The following PTPRN2 variants were observed in gnomAD, a reference collection of about 807,000 sequenced individuals.
PTPRN2 encodes receptor-type tyrosine-protein phosphatase N2.
Under a neutral mutation model 118.8 loss-of-function variants are expected in PTPRN2, and 74 were observed. That is an observed-to-expected ratio of 0.62 (90% confidence interval 0.52 to 0.76). PTPRN2 has a LOEUF of 0.76. Ranked by LOEUF, PTPRN2 falls within the 30% of genes least tolerant of loss-of-function variation. The probability of loss-of-function intolerance (pLI) is 0.00; values close to 1 mark genes in which losing one functional copy is unlikely to be tolerated. For missense variants in PTPRN2, 1,481 were observed against 1,394.4 expected, an observed-to-expected ratio of 1.06 and a Z score of -0.99; for synonymous variants, 641 against 608.0, an observed-to-expected ratio of 1.05 and a Z score of -0.80.
At chr7:157,547,349 T>C (rs1053899164) in intron 22 of PTPRN2, among the ~76,000 whole-genome samples, 4 of 152,156 alleles carry the variant, frequency 2.6e-5, no homozygotes, top group Non-Finnish European at 5.9e-5. Flanking sequence ...CCTCTTTTAC[T>C]GCTAGGCAGC....
At position 158,520,997 on chromosome 7, in the gene PTPRN2, G is replaced by A. The variant is rs549396917; in HGVS notation, c.113-31212C>T. The stretch of plus-strand genomic sequence containing the variant: ...CCAAGGAACAGGAGATTTCAGCCAC[G>A]TCCCTCTTATCTCTCCCACAGCAGG... On this transcript the variant is annotated intron_variant, in intron 1 of 22. Coordinates refer to ENST00000389418, the MANE Select transcript of PTPRN2 (RefSeq NM_002847.5). Among the ~76,000 whole-genome samples the A allele has an allele frequency of 1.4e-4, 22 of 152,276 alleles. No individual in the cohort carries two copies. The South Asian group carries it at 3.9e-3, about 27-fold the overall frequency.
intron 2 of PTPRN2, among the ~76,000 whole-genome samples, chr7:158,374,676 C>T (rs917755623): frequency 1.3e-5 from 2 of 152,158 alleles, no homozygotes; most frequent in African/African-American, 4.8e-5. Flanking sequence ...AGCAAGTGGA[C>T]AGATGGAGGC....
At chr7:157,811,258 G>A (rs371395996) in intron 12 of PTPRN2, among the ~76,000 whole-genome samples, 53 of 141,332 alleles carry the variant, frequency 3.8e-4, no homozygotes, top group South Asian at 8.9e-4. Flanking sequence ...ATGACAGAGC[G>A]AGACTCCATC....
intron 9 of PTPRN2, among the ~76,000 whole-genome samples, chr7:158,124,772 G>A (rs1817480683): frequency 6.6e-6 from 1 of 152,178 alleles, no homozygotes; most frequent in Non-Finnish European, 1.5e-5. Context: ...AGAGCTGCTG[G>A]TCAGCCTGGG....
chr7:158,400,710 G>C (rs1483060425), intron 2 of PTPRN2, among the ~76,000 whole-genome samples: 2 of 152,070 alleles, frequency 1.3e-5, no homozygotes, highest in Non-Finnish European at 2.9e-5. Context: ...AGGACACCGT[G>C]GTCCCAGCCA....
At chr7:157,750,876 G>A (rs1801421992) in intron 12 of PTPRN2, among the ~76,000 whole-genome samples, 1 of 152,248 alleles carries the variant, frequency 6.6e-6, no homozygotes, top group Non-Finnish European at 1.5e-5. Context: ...TTGGAGCAGG[G>A]TGCAGCTGCA....
Position 157,550,513 on chromosome 7 carries a change from A to T in PTPRN2, c.2903-1494T>A, listed in dbSNP as rs1001846742. On this transcript the variant is annotated intron_variant, in intron 21 of 22. Coordinates refer to ENST00000389418, the MANE Select transcript of PTPRN2 (RefSeq NM_002847.5). This position sits in a 1 kb window ranked among gnomAD's most constrained non-coding sequence, Gnocchi z 5.2. ...CAGGGAGGCCGGGCGCGAGATGACC[A>T]CCCCACCTGCCCTGCCTGGCTGGTG... 6.6e-6 allele frequency among the ~76,000 whole-genome samples: 1 copy of T among 151,958 alleles called. No individual in the cohort carries two copies.
rs1041271987 is a variant in PTPRN2 at position 157,560,027 on chromosome 7, G to A, written c.2902+8875C>T. 6.6e-5 allele frequency among the ~76,000 whole-genome samples: 10 copies of A among 152,346 alleles called. 1 individual carries two copies. In the Middle Eastern group the frequency reaches 0.014, roughly 207 times the overall value. The stretch of plus-strand genomic sequence containing the variant: ...GGTGCCAGCACCCGGGACCAAGGAG[G>A]GAGCTTGCAGAAGGGACAGCCCTCG... On this transcript the variant is annotated intron_variant, in intron 21 of 22. Transcript: ENST00000389418. This position sits in a 1 kb window ranked among gnomAD's most constrained non-coding sequence, Gnocchi z 6.7.
intron 21 of PTPRN2, among the ~76,000 whole-genome samples, chr7:157,561,208 C>T (rs1799175186): frequency 6.6e-6 from 1 of 152,048 alleles, no homozygotes; most frequent in Non-Finnish European, 1.5e-5. Flanking sequence ...GCCATGCCAT[C>T]CCTTCGGCCC....
chr7:158,288,423 T>G (rs1266716583), intron 3 of PTPRN2, among the ~76,000 whole-genome samples: 1 of 152,210 alleles, frequency 6.6e-6, no homozygotes, highest in Non-Finnish European at 1.5e-5. Flanking sequence ...TGATATGCTT[T>G]GATTCCTTAC....
chr7:157,885,311 T>C (rs945486924), intron 12 of PTPRN2, among the ~76,000 whole-genome samples: 4 of 152,114 alleles, frequency 2.6e-5, no homozygotes, highest in Non-Finnish European at 5.9e-5. Context: ...TGCAGCACGT[T>C]CCTCCACTCC....
intron 3 of PTPRN2, among the ~76,000 whole-genome samples, chr7:158,275,603 A>T (rs1375718469): frequency 6.6e-6 from 1 of 152,236 alleles, no homozygotes; most frequent in African/African-American, 2.4e-5. Context: ...GAATAGACAC[A>T]TTCTTTCACC....
At chr7:157,595,927 C>T (rs1801310425) in intron 16 of PTPRN2, among the ~76,000 whole-genome samples, 2 of 152,230 alleles carry the variant, frequency 1.3e-5, no homozygotes, top group Non-Finnish European at 2.9e-5. Flanking sequence ...CCAAGGAGGG[C>T]AGGCAGCCGT....
At chr7:157,975,206 G>A (rs1174964620) in intron 11 of PTPRN2, among the ~76,000 whole-genome samples, 2 of 152,122 alleles carry the variant, frequency 1.3e-5, no homozygotes, top group East Asian at 3.9e-4. Context: ...TCCAGTTCCT[G>A]CCAACACTGC....
In PTPRN2 at chr7:157,562,685, C is replaced by T. The variant is rs569657764; in HGVS notation, c.2902+6217G>A. On this transcript the variant is annotated intron_variant, in intron 21 of 22. Coordinates refer to ENST00000389418, the MANE Select transcript of PTPRN2 (RefSeq NM_002847.5). ...AGGACCATGTGCTCCCGCGTCACCA[C>T]ACACAGCAGATCAGGACCACATGCT... 3.3e-5 allele frequency among the ~76,000 whole-genome samples: 5 copies of T among 150,906 alleles called. No individual in the cohort carries two copies. The South Asian group carries it at 1.1e-3, about 32-fold the overall frequency.
At chr7:158,363,796 G>C (rs1045532631) in intron 2 of PTPRN2, among the ~76,000 whole-genome samples, 3 of 152,176 alleles carry the variant, frequency 2.0e-5, no homozygotes, top group Non-Finnish European at 4.4e-5. Flanking sequence ...CCAGTGTCTG[G>C]GTCTCCACGG....
At chr7:158,143,959 G>T (rs1042395557) in intron 6 of PTPRN2, among the ~76,000 whole-genome samples, 3 of 152,088 alleles carry the variant, frequency 2.0e-5, no homozygotes, top group African/African-American at 4.8e-5. Context: ...GAGCTCCCCA[G>T]GACTGCAGCC....
At chr7:157,581,012 C>G (rs1415959668) in intron 17 of PTPRN2, among the ~76,000 whole-genome samples, 3 of 143,846 alleles carry the variant, frequency 2.1e-5, no homozygotes, top group Admixed American at 2.1e-4. Context: ...ACCCGAGCCC[C>G]TGCACACCCC....
intron 2 of PTPRN2, among the ~76,000 whole-genome samples, chr7:158,351,890 G>C (rs13229471): frequency 0.7 from 21,877 of 31,358 alleles, 8,392 homozygotes; most frequent in Middle Eastern, 0.88. Flanking sequence ...CTGTCTGCTC[G>C]CCTCCTGTCC....
Sources: allele counts gnomAD v4.1 joint callset (sites outside exome capture counted in the v4.1 genomes callset), GRCh38; gene constraint gnomAD v4.1.1; non-coding constraint Gnocchi (gnomAD v3.1); transcripts MANE v1.5; gene names NCBI Gene and HGNC (gene_info 2026-07-23, HGNC 2026-07-21).